The following ZCWPW2 variants were observed in gnomAD, a reference collection of about 807,000 sequenced individuals.
ZCWPW2 encodes zinc finger CW-type and PWWP domain containing 2, also known as zinc finger CW-type PWWP domain protein 2.
In ZCWPW2, 45 loss-of-function variants were observed where a neutral mutation model predicts 46.6. The observed-to-expected ratio is 0.96, with a 90% CI of 0.76 to 1.24. ZCWPW2 has a LOEUF of 1.24. Ranked by LOEUF, ZCWPW2 falls within the 50% of genes most tolerant of loss-of-function variation. The pLI is 0.00. For synonymous variants in ZCWPW2, 152 were observed against 137.1 expected (o/e 1.11, Z -0.76); for missense variants, 429 against 403.9 (o/e 1.06, Z -0.53).
At chr3:28,472,461 A>G (rs1699075118) in intron 4 of ZCWPW2, among the ~76,000 whole-genome samples, 1 of 152,216 alleles carries the variant, frequency 6.6e-6, no homozygotes, top group South Asian at 2.1e-4. Flanking sequence ...GGTGCCAACA[A>G]CATACATTAG....
At chr3:28,522,776 A>G (rs893122892) in intron 9 of ZCWPW2, among the ~76,000 whole-genome samples, 3 of 152,160 alleles carry the variant, frequency 2.0e-5, no homozygotes, top group Non-Finnish European at 4.4e-5. Context: ...TCCAAAAAAA[A>G]AGACTTGTTT....
At chr3:28,384,771 G>A (rs930118996) in intron 1 of ZCWPW2, among the ~76,000 whole-genome samples, 3 of 151,720 alleles carry the variant, frequency 2.0e-5, no homozygotes, top group Middle Eastern at 3.4e-3. Context: ...CCATTTCCAC[G>A]GCCGGCTAAT....
intron 1 of ZCWPW2, among the ~76,000 whole-genome samples, chr3:28,374,056 A>G (rs893761163): frequency 6.6e-6 from 1 of 152,110 alleles, no homozygotes; most frequent in African/African-American, 2.4e-5. Flanking sequence ...ATGCGATAAA[A>G]TGTTTGCCCA....
At chr3:28,407,681 T>C (rs1384867205) in intron 2 of ZCWPW2, among the ~76,000 whole-genome samples, 1 of 152,164 alleles carries the variant, frequency 6.6e-6, no homozygotes, top group Non-Finnish European at 1.5e-5. Context: ...TAAATAGCCA[T>C]TCTGTGTTTT....
At chr3:28,486,290 T>C (rs1699598437) in intron 5 of ZCWPW2, among the ~76,000 whole-genome samples, 1 of 152,146 alleles carries the variant, frequency 6.6e-6, no homozygotes, top group Non-Finnish European at 1.5e-5. Flanking sequence ...CACACACACA[T>C]AAGATGTATG....
At chr3:28,476,163 A>T (rs1345039925) in intron 4 of ZCWPW2, among the ~76,000 whole-genome samples, 3 of 151,646 alleles carry the variant, frequency 2.0e-5, no homozygotes, top group Admixed American at 6.6e-5. Context: ...TCTCTGGAAG[A>T]CTGTAAAAGA....
chr3:28,496,744 G>A (rs1468169925), intron 6 of ZCWPW2, among the ~76,000 whole-genome samples: 1 of 151,760 alleles, frequency 6.6e-6, no homozygotes, highest in Admixed American at 6.6e-5. Context: ...AATATATTAG[G>A]TAATTACTAA....
At chr3:28,376,922 T>C (rs1234432605) in intron 1 of ZCWPW2, among the ~76,000 whole-genome samples, 1 of 152,162 alleles carries the variant, frequency 6.6e-6, no homozygotes, top group Non-Finnish European at 1.5e-5. Context: ...TTTAACAATA[T>C]ATTGTGAACA....
At position 28,433,377 on chromosome 3, in the gene ZCWPW2, C is replaced by T. The variant is rs145729680; in HGVS notation, c.333-1733C>T. Among the ~76,000 whole-genome samples, 385 of 152,242 alleles carry T rather than the reference C, an allele frequency of 2.5e-3. 1 individual carries two copies. The highest frequency in any genetic ancestry group is 8.4e-3 in the African/African-American group (350 of 41,554). ...CTAGTGGAAAACATTTGGGTTTTGG[C>T]ATTAGAAAGTCCTTTTTCAAACCAT... On this transcript the variant is annotated intron_variant, in intron 3 of 9. Transcript: ENST00000383768.
intron 4 of ZCWPW2, among the ~76,000 whole-genome samples, chr3:28,453,203 A>G (rs910623771): frequency 6.6e-6 from 1 of 152,210 alleles, no homozygotes; most frequent in Non-Finnish European, 1.5e-5. Context: ...TTGCAACTGA[A>G]TGAAACCAGT....
At chr3:28,489,626 G>T (rs999724055) in intron 5 of ZCWPW2, among the ~76,000 whole-genome samples, 2 of 150,134 alleles carry the variant, frequency 1.3e-5, no homozygotes, top group African/African-American at 2.5e-5. Context: ...CAAAGATCAA[G>T]ATCTCTCTCT....
chr3:28,475,352 G>A (rs1239320754), intron 4 of ZCWPW2, among the ~76,000 whole-genome samples: 1 of 152,108 alleles, frequency 6.6e-6, no homozygotes, highest in African/African-American at 2.4e-5. Flanking sequence ...TACAGTAACT[G>A]TTACTGCCCT....
At position 28,525,455 on chromosome 3, in the gene ZCWPW2, T is replaced by C. The variant is rs1700824008; in HGVS notation, c.*767T>C. ...TTCTCATGAACAGTTTTAGTAGATA[T>C]CCTTCTAGATATGTGTGGGCATTCA... On this transcript the variant is annotated 3_prime_UTR_variant, in exon 10 of 10. Transcript: ENST00000383768. Among the ~76,000 whole-genome samples the C allele has an allele frequency of 2.1e-5, 1 of 47,396 alleles. No homozygotes were observed. Among genetic ancestry groups the C allele is most frequent in the Admixed American group, 2.6e-4 (1 of 3,878 alleles). The allele number at this position is 47,396 out of a possible 152,430, so 31.1% of individuals were successfully genotyped here. A position where few individuals can be genotyped will look rare whatever the true frequency, so the allele number is the denominator to read the frequency against.
rs567743235 is a variant in ZCWPW2 at position 28,483,976 on chromosome 3, T to C, written c.610+5045T>C. Among the ~76,000 whole-genome samples, 3 of 152,170 alleles carry C rather than the reference T, an allele frequency of 2.0e-5. No individual in the cohort carries two copies. In the South Asian group the frequency reaches 6.2e-4, roughly 32 times the overall value. Reference sequence around the variant, plus strand: ...AATGTGTATATCTTTTATTTTCATTTATTGTCTTACTGCGTTATCTAGGCA... The same window carrying C: ...AATGTGTATATCTTTTATTTTCATTCATTGTCTTACTGCGTTATCTAGGCA... On this transcript the variant is annotated intron_variant, in intron 5 of 9. Transcript: ENST00000383768.
rs989569312 is a variant in ZCWPW2, at chr3:28,500,924, C to A, written c.657+8751C>A. ...AAGAGTTGCAGTCAGGCTTCAAAAC[C>A]CATTTAATTTCCTTTTGTATTCTAC... On this transcript the variant is annotated intron_variant, in intron 6 of 9. Coordinates refer to ENST00000383768, the MANE Select transcript of ZCWPW2 (RefSeq NM_001040432.4). Among the ~76,000 whole-genome samples the A allele has an allele frequency of 3.0e-4, 45 of 152,108 alleles. 1 individual carries two copies. The highest frequency in any genetic ancestry group is 1.1e-3 in the African/African-American group (45 of 41,432).
intron 4 of ZCWPW2, among the ~76,000 whole-genome samples, chr3:28,453,991 CCCG>C (rs920155573): frequency 6.6e-6 from 1 of 151,460 alleles, no homozygotes. Context: ...ACTACAGGCA[CCCG>C]CCACCACGCC....
At chr3:28,468,715 G>T (rs1698922512) in intron 4 of ZCWPW2, among the ~76,000 whole-genome samples, 1 of 152,136 alleles carries the variant, frequency 6.6e-6, no homozygotes, top group South Asian at 2.1e-4. Context: ...AGCATATCTA[G>T]CAAAAATATC....
At chr3:28,456,724 A>G (rs1391275718) in intron 4 of ZCWPW2, among the ~76,000 whole-genome samples, 1 of 152,164 alleles carries the variant, frequency 6.6e-6, no homozygotes, top group Admixed American at 6.5e-5. Flanking sequence ...ATCTATTCAG[A>G]TAATCATGTG....
In ZCWPW2 at chr3:28,526,347, C is replaced by G. The variant is rs1349573190; in HGVS notation, c.*1659C>G. Among the ~76,000 whole-genome samples, 1 of 152,102 alleles carries G rather than the reference C, an allele frequency of 6.6e-6. No individual in the cohort carries two copies. Among genetic ancestry groups the G allele is most frequent in the African/African-American group, 2.4e-5 (1 of 41,430 alleles). On this transcript the variant is annotated 3_prime_UTR_variant, in exon 10 of 10. Coordinates refer to ENST00000383768, the MANE Select transcript of ZCWPW2 (RefSeq NM_001040432.4). Reference sequence around the variant, plus strand: ...TTTCTTTCTCATTTATAAAATTAATCTTTGGAAACCATCACAAGCAACATT... The same window carrying G: ...TTTCTTTCTCATTTATAAAATTAATGTTTGGAAACCATCACAAGCAACATT...
Sources: allele counts gnomAD v4.1 joint callset (sites outside exome capture counted in the v4.1 genomes callset), GRCh38; gene constraint gnomAD v4.1.1; transcripts MANE v1.5; gene names NCBI Gene and HGNC (gene_info 2026-07-23, HGNC 2026-07-21).